NANOS3: variants seen among roughly 807,000 people sequenced by gnomAD.
NANOS3 encodes the protein nanos homolog 3.
A neutral mutation model predicts 13.8 loss-of-function variants in NANOS3; 11 were observed. That is an observed-to-expected ratio of 0.80 (90% CI 0.50 to 1.32). The LOEUF (loss-of-function observed/expected upper bound fraction) is 1.32, where lower values mean the gene tolerates loss of function less well. Ranked by LOEUF, NANOS3 falls within the 40% of genes most tolerant of loss-of-function variation. The probability of loss-of-function intolerance (pLI) is 0.00; values close to 1 mark genes in which losing one functional copy is unlikely to be tolerated. For synonymous variants in NANOS3, 119 were observed against 115.4 expected (o/e 1.03, Z -0.20); for missense variants, 221 against 263.8 (o/e 0.84, Z 1.12).
At chr19:13,880,382 C>T in intron 1 of NANOS3, 60 bp from the exon 2 acceptor site, 1 of 1,550,360 alleles carries the variant, frequency 6.5e-7, no homozygotes, top group Admixed American at 1.7e-5. Flanking sequence ...CCGTGGGCAA[C>T]TTGGGGAGCG....
chr19:13,868,609 G>C (rs1976277268), intron 1 of NANOS3, among the ~76,000 whole-genome samples: 1 of 151,466 alleles, frequency 6.6e-6, no homozygotes, highest in Admixed American at 6.6e-5. Context: ...TTGAGCCCAG[G>C]AGTTTGAGAT....
At chr19:13,868,579 G>C (rs1274548452) in intron 1 of NANOS3, among the ~76,000 whole-genome samples, 1 of 151,768 alleles carries the variant, frequency 6.6e-6, no homozygotes, top group African/African-American at 2.4e-5. Context: ...TACTAGGGAG[G>C]CTGAGGCGGG....
chr19:13,878,763 C>T (rs1393645554), intron 1 of NANOS3, among the ~76,000 whole-genome samples: 2 of 151,152 alleles, frequency 1.3e-5, no homozygotes, highest in African/African-American at 4.9e-5. Flanking sequence ...TACAGGCGTG[C>T]ACCACCATTC....
rs1363319907 is a variant in NANOS3 at position 13,877,453 on chromosome 19, T to G, written c.205T>G (p.Ser69Ala). The G allele has an allele frequency of 6.2e-7, 1 of 1,611,386 alleles. No individual in the cohort carries two copies. Among genetic ancestry groups the G allele is most frequent in the South Asian group, 1.1e-5 (1 of 91,068 alleles). The change falls in exon 1 of 2, where the codon TCC becomes GCC. Residue 69 changes from serine (S) to alanine (A), a missense_variant. Transcript: ENST00000339133. ...CAAGGATCAGAAGCGCAGCCTGGAG[T>G]CCTCGCCAGCTCCCGAACGCCTGTG... is the stretch of plus-strand genomic sequence containing the variant. ...GPKDQKRSLE[S>A]SPAPERLCSF...
chr19:13,876,103 C>G (rs554605365), upstream of NANOS3, among the ~76,000 whole-genome samples: 424 of 152,240 alleles, frequency 2.8e-3, 2 homozygotes, highest in South Asian at 7.7e-3. Context: ...CCTCAGGGGG[C>G]CCCAGTAACT....
intron 1 of NANOS3, chr19:13,865,468 ACGGGCGGGG>A (rs1391257521): frequency 7.1e-6 from 1 of 140,116 alleles, no homozygotes; most frequent in African/African-American, 2.6e-5. Flanking sequence ...GGCCGGGGGC[ACGGGCGGGG>A]CGGGGGCCGC....
At chr19:13,863,383 T>C (rs529938382), upstream of NANOS3, among the ~76,000 whole-genome samples, 67 of 152,194 alleles carry the variant, frequency 4.4e-4, no homozygotes, top group South Asian at 3.7e-3. Context: ...CTAATTTTTT[T>C]TTTAATTTTA....
At position 13,877,908 on chromosome 19, in the gene NANOS3, C is replaced by T. The variant is rs1395196875; in HGVS notation, c.517+143C>T. The stretch of plus-strand genomic sequence containing the variant: ...TTAGAACAGCAGTTGATTTTATTTA[C>T]GTATTTATTTATTTATCTTGAGACA... On this transcript the variant is annotated intron_variant, in intron 1 of 1. Coordinates refer to ENST00000339133, the MANE Select transcript of NANOS3 (RefSeq NM_001098622.3). 2.4e-5 allele frequency: 34 copies of T among 1,399,810 alleles called. No individual in the cohort carries two copies. In the East Asian group the frequency reaches 7.6e-4, roughly 31 times the overall value. 86.7% of individuals were successfully genotyped at this position (1,399,810 alleles called of 1,614,324 possible).
chr19:13,864,716 C>T (rs1380728306), upstream of NANOS3, among the ~76,000 whole-genome samples: 1 of 151,996 alleles, frequency 6.6e-6, no homozygotes, highest in Non-Finnish European at 1.5e-5. Context: ...TGTGCGTGCC[C>T]GGGGTTCAGC....
chr19:13,864,455 G>C (rs1416207894), upstream of NANOS3, among the ~76,000 whole-genome samples: 1 of 152,140 alleles, frequency 6.6e-6, no homozygotes, highest in African/African-American at 2.4e-5. Flanking sequence ...CTCTGCCTCT[G>C]CGACTGGTCC....
chr19:13,871,774 CAGG>C (rs1414041199), intron 1 of NANOS3, among the ~76,000 whole-genome samples: 1 of 152,150 alleles, frequency 6.6e-6, no homozygotes, highest in East Asian at 1.9e-4. Flanking sequence ...TTGGGAGGCC[CAGG>C]AGTTCGCGAC....
upstream of NANOS3, among the ~76,000 whole-genome samples, chr19:13,873,938 A>G (rs1968454164): frequency 6.6e-6 from 1 of 151,820 alleles, no homozygotes; most frequent in South Asian, 2.1e-4. Context: ...ACTCTGTGCG[A>G]TCACTGGAGG....
upstream of NANOS3, among the ~76,000 whole-genome samples, chr19:13,864,937 G>T (rs953284071): frequency 2.4e-4 from 36 of 152,020 alleles, no homozygotes; most frequent in Admixed American, 1.6e-3. Context: ...CGTTCCCTAT[G>T]TCTGTGGCCC....
intron 1 of NANOS3, among the ~76,000 whole-genome samples, chr19:13,869,007 A>AC (rs1017889745): frequency 6.6e-6 from 1 of 151,252 alleles, no homozygotes; most frequent in Non-Finnish European, 1.5e-5. Context: ...CACCCACAGA[A>AC]CCCCCCAAAA....
chr19:13,880,403 G>C (rs752985622), intron 1 of NANOS3, 39 bp from the exon 2 acceptor site: 1 of 1,600,072 alleles, frequency 6.2e-7, no homozygotes, highest in South Asian at 1.1e-5. Context: ...TTGAGTCATC[G>C]CCTGTGATTA....
At chr19:13,876,907 A>G (rs993675502), upstream of NANOS3, among the ~76,000 whole-genome samples, 9 of 152,020 alleles carry the variant, frequency 5.9e-5, no homozygotes, top group African/African-American at 1.7e-4. Flanking sequence ...TAGCCCCCCA[A>G]TTCCCTGGAG....
In NANOS3 at chr19:13,880,633, G is replaced by C; in HGVS notation, c.*130G>C. Reference sequence around the variant, plus strand: ...GATTGAGCCCTGGGGATGACCCGGGGTTGGCAAGGGAAGAGCTGAAATCGC... The same window carrying C: ...GATTGAGCCCTGGGGATGACCCGGGCTTGGCAAGGGAAGAGCTGAAATCGC... On this transcript the variant is annotated 3_prime_UTR_variant, in exon 2 of 2. Transcript: ENST00000339133. 1.3e-6 allele frequency: 1 copy of C among 774,698 alleles called. No homozygotes were observed. Among genetic ancestry groups the C allele is most frequent in the South Asian group, 1.6e-5 (1 of 61,854 alleles). The allele number at this position is 774,698 out of a possible 1,614,324, so 48.0% of individuals were successfully genotyped here.
At chr19:13,873,321 G>T (rs961887378), upstream of NANOS3, among the ~76,000 whole-genome samples, 2 of 150,848 alleles carry the variant, frequency 1.3e-5, no homozygotes, top group African/African-American at 4.9e-5. Flanking sequence ...GCTCGGCCGG[G>T]TTCCGTTGCC....
upstream of NANOS3, among the ~76,000 whole-genome samples, chr19:13,863,477 C>T (rs1414319720): frequency 1.3e-5 from 2 of 152,154 alleles, no homozygotes; most frequent in African/African-American, 4.8e-5. Flanking sequence ...CTCGGCCTCC[C>T]AAAGTGCTGG....
Sources: gnomAD v4.1 joint callset for allele counts (sites outside exome capture counted in the v4.1 genomes callset) on GRCh38, gnomAD v4.1.1 for gene constraint, MANE v1.5 for transcripts, NCBI Gene and HGNC (gene_info 2026-07-23, HGNC 2026-07-21) for gene names.